Variants in ST3GAL2 observed in about 807,000 individuals in gnomAD.
ST3GAL2 encodes the protein ST3 beta-galactoside alpha-2,3-sialyltransferase 2.
Under a neutral mutation model 37.5 loss-of-function variants are expected in ST3GAL2, and 16 were observed. The ratio of observed to expected loss-of-function variants is 0.43; its 90% CI spans 0.29 to 0.65. ST3GAL2 has a LOEUF of 0.65. Ranked by LOEUF, ST3GAL2 falls within the 30% of genes least tolerant of loss-of-function variation. ST3GAL2 has a pLI of 0.17. For missense variants in ST3GAL2, 383 were observed against 487.8 expected, an observed-to-expected ratio of 0.79 and a Z score of 2.02; for synonymous variants, 238 against 202.9, an observed-to-expected ratio of 1.17 and a Z score of -1.47.
rs1241098380 is a variant in ST3GAL2, at chr16:70,398,790, T to C, written c.-260A>G. 16 of 577,828 alleles carry C rather than the reference T, an allele frequency of 2.8e-5. No homozygotes were observed. The highest frequency in any genetic ancestry group is 3.1e-5 in the Non-Finnish European group (10 of 325,016). 35.8% of individuals were successfully genotyped at this position (577,828 alleles called of 1,614,324 possible). On this transcript the variant is annotated 5_prime_UTR_variant, in exon 2 of 7. Coordinates refer to ENST00000342907, the MANE Select transcript of ST3GAL2 (RefSeq NM_006927.4). ...TTCATCGGGTCTCTCCGTCACTAGC[T>C]AGGCCACAGAGGCTCTGCCTCTCCT...
chr16:70,431,893 G>A (rs1432636508), intron 1 of ST3GAL2, among the ~76,000 whole-genome samples: 1 of 151,988 alleles, frequency 6.6e-6, no homozygotes, highest in Non-Finnish European at 1.5e-5. Context: ...GAACCCAGGA[G>A]GCAGAGCTTG....
chr16:70,430,660 G>C (rs1474485225), intron 1 of ST3GAL2, among the ~76,000 whole-genome samples: 1 of 152,180 alleles, frequency 6.6e-6, no homozygotes, highest in Non-Finnish European at 1.5e-5. Context: ...CCTGGATCCA[G>C]GGAAATACTA....
At chr16:70,420,024 C>CT (rs58254114) in intron 1 of ST3GAL2, among the ~76,000 whole-genome samples, 1,583 of 131,516 alleles carry the variant, frequency 0.012, 10 homozygotes, top group Admixed American at 0.02. Flanking sequence ...CCCCCCTTCC[C>CT]TTTTTTTTTT....
intron 2 of ST3GAL2, among the ~76,000 whole-genome samples, chr16:70,397,802 G>A (rs1346975607): frequency 6.6e-6 from 1 of 152,118 alleles, no homozygotes; most frequent in Non-Finnish European, 1.5e-5. Context: ...TTTAAAATCT[G>A]GATTTCTAGG....
At chr16:70,388,344 A>G in intron 4 of ST3GAL2, 23 bp downstream of exon 4, 4 of 1,613,832 alleles carry the variant, frequency 2.5e-6, no homozygotes, top group Non-Finnish European at 3.4e-6. Flanking sequence ...CCCATATTCT[A>G]CCCAGGCCAG....
intron 2 of ST3GAL2, among the ~76,000 whole-genome samples, chr16:70,395,655 T>C (rs770208519): frequency 4.6e-5 from 7 of 152,178 alleles, no homozygotes; most frequent in Non-Finnish European, 8.8e-5. Flanking sequence ...GAGAGGCTGA[T>C]AAATTCTTTC....
chr16:70,402,505 T>C (rs534358343), intron 1 of ST3GAL2, among the ~76,000 whole-genome samples: 7 of 152,224 alleles, frequency 4.6e-5, no homozygotes, highest in African/African-American at 2.4e-5. Flanking sequence ...TATGCCTCTC[T>C]ATAAAGATAA....
At chr16:70,381,983 G>C (rs1305116382) in intron 6 of ST3GAL2, 121 bp from the exon 7 acceptor site, 1 of 1,319,282 alleles carries the variant, frequency 7.6e-7, no homozygotes, top group Admixed American at 2.1e-5. Context: ...GGAGCCCCCA[G>C]GCCTGGCCTA....
In ST3GAL2 at chr16:70,412,007, A is replaced by T. The variant is rs1362505064; in HGVS notation, c.-1003-12474T>A. Among the ~76,000 whole-genome samples the T allele has an allele frequency of 3.3e-5, 5 of 152,232 alleles. No individual in the cohort carries two copies. In the East Asian group the frequency reaches 9.6e-4, roughly 29 times the overall value. On this transcript the variant is annotated intron_variant, in intron 1 of 6. Coordinates refer to ENST00000342907, the MANE Select transcript of ST3GAL2 (RefSeq NM_006927.4). ...GAAACTCCGTCTCAAAAAAAAAAAA[A>T]AATAGTTAATTCAATTTACCAACAT...
At chr16:70,418,801 G>C (rs2047693208) in intron 1 of ST3GAL2, among the ~76,000 whole-genome samples, 1 of 152,156 alleles carries the variant, frequency 6.6e-6, no homozygotes, top group African/African-American at 2.4e-5. Flanking sequence ...GGGGTGAAAC[G>C]GAAGCAAAGC....
intron 1 of ST3GAL2, among the ~76,000 whole-genome samples, chr16:70,404,630 A>C (rs1408173986): frequency 6.6e-6 from 1 of 152,224 alleles, no homozygotes; most frequent in Non-Finnish European, 1.5e-5. Context: ...TTTGGGCAAC[A>C]GTCTGGCAGT....
intron 1 of ST3GAL2, among the ~76,000 whole-genome samples, chr16:70,431,027 T>C (rs1447572751): frequency 6.6e-6 from 1 of 151,482 alleles, no homozygotes; most frequent in Admixed American, 6.6e-5. Context: ...GCAGGGGAGA[T>C]TCCATATTCT....
At chr16:70,403,897 A>G (rs553790099) in intron 1 of ST3GAL2, among the ~76,000 whole-genome samples, 101 of 152,250 alleles carry the variant, frequency 6.6e-4, no homozygotes, top group African/African-American at 2.4e-3. Flanking sequence ...CAGGAGGCTT[A>G]GGCATAAGGA....
Position 70,376,725 on chromosome 16 carries a change from G to GCTGC in ST3GAL2, c.*4960_*4963dup, listed in dbSNP as rs1489324295. On this transcript the variant is annotated 3_prime_UTR_variant, in exon 7 of 7. Transcript: ENST00000342907. The stretch of plus-strand genomic sequence containing the variant: ...AGTCACAGAAGGTACTTCCTTGTCT[G>GCTGC]CTGCCTGTGGATGGGTAAAATACTT... 3 of 152,056 alleles carry GCTGC rather than the reference G, an allele frequency of 2.0e-5. No homozygotes were observed. Among genetic ancestry groups the GCTGC allele is most frequent in the African/African-American group, 7.2e-5 (3 of 41,406 alleles). 9.4% of individuals were successfully genotyped at this position (152,056 alleles called of 1,614,324 possible).
At chr16:70,420,024 C>CTTT (rs58254114) in intron 1 of ST3GAL2, among the ~76,000 whole-genome samples, 12 of 131,532 alleles carry the variant, frequency 9.1e-5, no homozygotes, top group Non-Finnish European at 1.3e-4. Flanking sequence ...CCCCCCTTCC[C>CTTT]TTTTTTTTTT....
chr16:70,429,638 C>CTTTTTTTTTT (rs1027728995), intron 1 of ST3GAL2, among the ~76,000 whole-genome samples: 3 of 90,000 alleles, frequency 3.3e-5, no homozygotes, highest in South Asian at 4.0e-4. Context: ...GCTTTAAATT[C>CTTTTTTTTTT]TTTTTTTTTT....
chr16:70,376,098 A>T lies in ST3GAL2; in HGVS notation c.*5591T>A, dbSNP rs1440666569. On this transcript the variant is annotated 3_prime_UTR_variant, in exon 7 of 7. Transcript: ENST00000342907. ...GCGTTTCACAGGAAGCACCGTGGAG[A>T]CGCAGCCCAGGGGACTGCCATGGCC... 1.3e-5 allele frequency: 2 copies of T among 152,154 alleles called. No homozygotes were observed. Among genetic ancestry groups the T allele is most frequent in the Non-Finnish European group, 2.9e-5 (2 of 68,034 alleles). The allele number at this position is 152,154 out of a possible 1,614,324, so 9.4% of individuals were successfully genotyped here. A position where few individuals can be genotyped will look rare whatever the true frequency, so the allele number is the denominator to read the frequency against.
Position 70,377,919 on chromosome 16 carries a change from G to A in ST3GAL2, c.*3770C>T, listed in dbSNP as rs1161746638. ...AGAAAAAGGTGTCTAGTAAGTACAA[G>A]ATGAAACATCACTTACCTAACTTCC... On this transcript the variant is annotated 3_prime_UTR_variant, in exon 7 of 7. Coordinates refer to ENST00000342907, the MANE Select transcript of ST3GAL2 (RefSeq NM_006927.4). 1 of 152,156 alleles carries A rather than the reference G, an allele frequency of 6.6e-6. No individual in the cohort carries two copies. Among genetic ancestry groups the A allele is most frequent in the Non-Finnish European group, 1.5e-5 (1 of 68,026 alleles). 9.4% of individuals were successfully genotyped at this position (152,156 alleles called of 1,614,324 possible). A position where few individuals can be genotyped will look rare whatever the true frequency, so the allele number is the denominator to read the frequency against.
At chr16:70,427,782 G>A (rs1284254224) in intron 1 of ST3GAL2, among the ~76,000 whole-genome samples, 1 of 152,112 alleles carries the variant, frequency 6.6e-6, no homozygotes, top group East Asian at 1.9e-4. Context: ...TTTTACCACT[G>A]AAATGTCTCT....
Sources: gnomAD v4.1 joint callset for allele counts (sites outside exome capture counted in the v4.1 genomes callset) on GRCh38, gnomAD v4.1.1 for gene constraint, MANE v1.5 for transcripts, NCBI Gene and HGNC (gene_info 2026-07-23, HGNC 2026-07-21) for gene names.